The following DMD variants were observed in gnomAD, a reference collection of about 807,000 sequenced individuals.
The protein encoded by DMD is dystrophin, also known as mutant dystrophin.
Under a neutral mutation model 330.1 loss-of-function variants are expected in DMD, and 63 were observed. The observed-to-expected ratio is 0.19, with a 90% CI of 0.16 to 0.24. The LOEUF (loss-of-function observed/expected upper bound fraction) is 0.24. Ranked by LOEUF, DMD falls within the 10% of genes least tolerant of loss-of-function variation. The pLI, the probability that DMD is intolerant of heterozygous loss-of-function variation, is 1.00. For missense variants in DMD, 3,344 were observed against 2,684.1 expected (o/e 1.25, Z -5.43); for synonymous variants, 1,223 against 959.8 (o/e 1.27, Z -5.07).
chrX:31,957,540 A>C (rs2095258790), intron 45 of DMD, among the ~76,000 whole-genome samples: 1 of 112,138 alleles, frequency 8.9e-6, no homozygotes. Flanking sequence ...AAGGATTGTT[A>C]TACATTCACC....
In DMD at chrX:32,565,871, G is replaced by T. The variant is rs189896732; in HGVS notation, c.1823C>A (p.Ala608Glu). ...SSLQKLAVLK[A>E]DLEKKKQSMG... ...GGATTGCTTTTTCTTTTCTAGATCC[G>T]CTTTTAAAACCTGTTAAAACAAGAA... The change falls in exon 16 of 79, where the codon GCG (alanine) becomes GAG (glutamate). Residue 608 changes from alanine (A) to glutamate (E), a missense_variant. Physicochemically the swap from Ala to Glu is moderately radical, Grantham distance 107. Coordinates refer to ENST00000357033, the MANE Select transcript of DMD (RefSeq NM_004006.3). 2 of 1,209,146 alleles carry T rather than the reference G, an allele frequency of 1.7e-6. No homozygotes were observed. The highest frequency in any genetic ancestry group is 1.8e-5 in the South Asian group (1 of 56,858).
chrX:31,341,891 G>GCGCGCGCGCGCA (rs374298104), intron 61 of DMD, among the ~76,000 whole-genome samples: 64 of 98,890 alleles, frequency 6.5e-4, no homozygotes, highest in Middle Eastern at 5.4e-3. Context: ...GTGCGCGCGC[G>GCGCGCGCGCGCA]CACACACACA....
At chrX:32,158,834 C>T (rs1181650964) in intron 44 of DMD, among the ~76,000 whole-genome samples, 1 of 112,090 alleles carries the variant, frequency 8.9e-6, no homozygotes, top group Non-Finnish European at 1.9e-5. Flanking sequence ...ACATAGCTGG[C>T]TGTCGACATT....
intron 44 of DMD, among the ~76,000 whole-genome samples, chrX:32,054,595 G>A (rs1427197467): frequency 2.8e-5 from 3 of 108,493 alleles, no homozygotes; most frequent in Admixed American, 1.0e-4. Flanking sequence ...CCTCAAGTAA[G>A]CCATAACAAG....
chrX:32,565,088 T>G (rs1241101028), intron 16 of DMD, among the ~76,000 whole-genome samples: 1 of 111,562 alleles, frequency 9.0e-6, no homozygotes, highest in Non-Finnish European at 1.9e-5. Context: ...TCTTTAAAAA[T>G]TATTATAATA....
intron 50 of DMD, among the ~76,000 whole-genome samples, chrX:31,794,484 A>G (rs1417212057): frequency 1.8e-5 from 2 of 111,802 alleles, no homozygotes; most frequent in African/African-American, 6.5e-5. Flanking sequence ...TGCTTCACCG[A>G]TTAAATTATT....
intron 1 of DMD, among the ~76,000 whole-genome samples, chrX:33,288,419 T>C (rs755041647): frequency 1.1e-4 from 12 of 111,347 alleles, no homozygotes; most frequent in Non-Finnish European, 1.9e-4. Context: ...AAACACAATT[T>C]ACTTCGGCCA....
chrX:33,315,735 G>A (rs2053923061), intron 1 of DMD, among the ~76,000 whole-genome samples: 2 of 111,826 alleles, frequency 1.8e-5, no homozygotes, highest in Non-Finnish European at 3.8e-5. Flanking sequence ...TTGAACCTGA[G>A]AGTAGACTTG....
intron 7 of DMD, among the ~76,000 whole-genome samples, chrX:32,771,719 C>T (rs190928832): frequency 1.8e-5 from 2 of 111,541 alleles, no homozygotes; most frequent in East Asian, 2.8e-4. Context: ...ACCACTTTTG[C>T]TATTTCAGAG....
At chrX:33,268,365 C>G (rs745829815) in intron 1 of DMD, among the ~76,000 whole-genome samples, 1 of 111,350 alleles carries the variant, frequency 9.0e-6, no homozygotes, top group South Asian at 3.8e-4. Flanking sequence ...CCTAATTAAA[C>G]TAAAGAGCTT....
At chrX:31,982,599 T>C (rs1226236319) in intron 44 of DMD, among the ~76,000 whole-genome samples, 1 of 111,455 alleles carries the variant, frequency 9.0e-6, no homozygotes, top group Non-Finnish European at 1.9e-5. Flanking sequence ...GAGACATACG[T>C]TTATGATCAG....
chrX:32,145,343 G>C (rs907831658), intron 44 of DMD, among the ~76,000 whole-genome samples: 8 of 111,907 alleles, frequency 7.1e-5, no homozygotes, highest in Admixed American at 5.7e-4. Flanking sequence ...TTCAGTTATT[G>C]GGGCTTTCAC....
Position 31,348,628 on chromosome X carries a change from C to T in DMD, c.9091G>A (p.Val3031Ile), listed in dbSNP as rs143426249. Residue 3031 changes from valine to isoleucine, a missense_variant, in exon 61 of 79, where the codon GTC becomes ATC. Val to Ile is a conservative substitution (Grantham distance 29). Coordinates refer to ENST00000357033, the MANE Select transcript of DMD (RefSeq NM_004006.3). Reference protein sequence around the residue: ...NTRWKLLQVAVEDRVRQLHEA... With the variant: ...NTRWKLLQVAIEDRVRQLHEA... The stretch of plus-strand genomic sequence containing the variant: ...TGCAGCTGCCTGACTCGGTCCTCGA[C>T]GGCCACCTGGGAGGAAAAGGAGAGA... 69 of 1,206,515 alleles carry T rather than the reference C, an allele frequency of 5.7e-5. No individual in the cohort carries two copies. The highest frequency in any genetic ancestry group is 5.6e-4 in the East Asian group (19 of 33,736).
At chrX:32,552,991 C>T (rs771271647) in intron 16 of DMD, among the ~76,000 whole-genome samples, 39 of 111,608 alleles carry the variant, frequency 3.5e-4, no homozygotes, top group Admixed American at 9.5e-4. Flanking sequence ...GTTCAGCCAC[C>T]GTGGAAAGCA....
chrX:31,572,028 A>G (rs1020229437), intron 55 of DMD, among the ~76,000 whole-genome samples: 15 of 111,211 alleles, frequency 1.3e-4, no homozygotes, highest in African/African-American at 4.6e-4. Flanking sequence ...ATAACTACTG[A>G]GTAGTTGGCT....
At chrX:32,549,094 GT>G (rs2049266414) in intron 16 of DMD, among the ~76,000 whole-genome samples, 1 of 111,292 alleles carries the variant, frequency 9.0e-6, no homozygotes. Flanking sequence ...AATTTCCCTA[GT>G]AAAAATGGGA....
chrX:32,821,874 G>A (rs1264799409), intron 5 of DMD, among the ~76,000 whole-genome samples: 8 of 110,202 alleles, frequency 7.3e-5, no homozygotes, highest in Admixed American at 4.8e-4. Context: ...AAATTAGATC[G>A]CTATGATGGC....
Position 31,721,688 on chromosome X carries a change from CT to C in DMD, c.7660+7942del, listed in dbSNP as rs58992763. 8.4e-4 allele frequency among the ~76,000 whole-genome samples: 42 copies of C among 49,865 alleles called. 2 individuals carry two copies. Among genetic ancestry groups the C allele is most frequent in the Admixed American group, 3.5e-3 (19 of 5,435 alleles). 43.3% of individuals were successfully genotyped at this position (49,865 alleles called of 115,157 possible). On this transcript the variant is annotated intron_variant, in intron 52 of 78. Transcript: ENST00000357033. Reference sequence around the variant, plus strand: ...TACCAATCTCTCTCTCTCTCTCACTCTCTCTCTCTCTCTCTCTCTCTCTCTC... The same window carrying C: ...TACCAATCTCTCTCTCTCTCTCACTCCTCTCTCTCTCTCTCTCTCTCTCTC...
At chrX:32,802,046 G>C (rs1338315451) in intron 7 of DMD, among the ~76,000 whole-genome samples, 3 of 111,996 alleles carry the variant, frequency 2.7e-5, no homozygotes, top group Non-Finnish European at 5.6e-5. Flanking sequence ...ATTCTGTGAA[G>C]AAAGTGAATT....
Sources: allele counts gnomAD v4.1 joint callset (sites outside exome capture counted in the v4.1 genomes callset), GRCh38; gene constraint gnomAD v4.1.1; transcripts MANE v1.5; gene names NCBI Gene and HGNC (gene_info 2026-07-23, HGNC 2026-07-21).